MICU3: variants seen among roughly 807,000 people sequenced by gnomAD.
The protein encoded by MICU3 is calcium uptake protein 3, mitochondrial.
A neutral mutation model predicts 66.5 loss-of-function variants in MICU3; 62 were observed. The observed-to-expected ratio is 0.93, with a 90% CI of 0.76 to 1.15. The LOEUF is 1.15. Ranked by LOEUF, MICU3 falls within the 50% of genes most tolerant of loss-of-function variation. The pLI is 0.00. For synonymous variants in MICU3, 308 were observed against 240.7 expected (o/e 1.28, Z -2.59); for missense variants, 779 against 664.4 (o/e 1.17, Z -1.90).
rs1803179365 is a variant in MICU3 at position 17,121,267 on chromosome 8, A to G, written c.*980A>G. On this transcript the variant is annotated 3_prime_UTR_variant, in exon 15 of 15. Coordinates refer to ENST00000318063, the MANE Select transcript of MICU3 (RefSeq NM_181723.3). ...ATGTATATATTAAGTAGAAGCTAAT[A>G]TTTTTGTTTCTTGCAAAAGGACCAC... is the stretch of plus-strand genomic sequence containing the variant. 6.6e-6 allele frequency: 1 copy of G among 151,922 alleles called. No homozygotes were observed. Among genetic ancestry groups the G allele is most frequent in the East Asian group, 1.9e-4 (1 of 5,198 alleles). The allele number at this position is 151,922 out of a possible 1,614,324, so 9.4% of individuals were successfully genotyped here.
Position 17,043,065 on chromosome 8 carries a change from G to A in MICU3, c.381+15405G>A, listed in dbSNP as rs562936737. ...TGCCATTCTCCTGCCTCAGCCTCCCGAGTAGCTGGGACTACAGGCGCCCAC... is the reference window on the plus strand; with the variant it reads ...TGCCATTCTCCTGCCTCAGCCTCCCAAGTAGCTGGGACTACAGGCGCCCAC... On this transcript the variant is annotated intron_variant, in intron 1 of 14. Transcript: ENST00000318063. Among the ~76,000 whole-genome samples, 21 of 144,578 alleles carry A rather than the reference G, an allele frequency of 1.5e-4. 1 individual carries two copies. The South Asian group carries it at 4.1e-3, about 28-fold the overall frequency. 94.8% of individuals were successfully genotyped at this position (144,578 alleles called of 152,430 possible). A position where few individuals can be genotyped will look rare whatever the true frequency, so the allele number is the denominator to read the frequency against.
At chr8:17,080,582 C>G (rs949448822) in intron 4 of MICU3, among the ~76,000 whole-genome samples, 18 of 152,050 alleles carry the variant, frequency 1.2e-4, no homozygotes, top group Admixed American at 1.3e-4. Context: ...CCTACAGACT[C>G]TTAAGTATTG....
At chr8:17,126,387 C>T (rs139534412), downstream of MICU3, among the ~76,000 whole-genome samples, 105 of 152,050 alleles carry the variant, frequency 6.9e-4, 4 homozygotes, top group East Asian at 0.016. Flanking sequence ...GAGAAAGAAA[C>T]CTATACTGAA....
chr8:17,125,150 G>GTAATATAGCCTA (rs1161110929), downstream of MICU3, among the ~76,000 whole-genome samples: 72 of 152,034 alleles, frequency 4.7e-4, 1 homozygote, highest in African/African-American at 1.7e-3. Flanking sequence ...AATATAGCCT[G>GTAATATAGCCTA]TAATCTTTCT....
intron 11 of MICU3, among the ~76,000 whole-genome samples, chr8:17,111,576 C>A (rs1441336605): frequency 6.6e-6 from 1 of 152,136 alleles, no homozygotes; most frequent in African/African-American, 2.4e-5. Context: ...TGTTTGGTGT[C>A]ATATTTAAGC....
intron 8 of MICU3, among the ~76,000 whole-genome samples, chr8:17,091,954 T>A (rs573540109): frequency 6.6e-6 from 1 of 152,188 alleles, no homozygotes; most frequent in African/African-American, 2.4e-5. Context: ...CTCAGCTCAC[T>A]GCAACCTCCA....
At chr8:17,094,281 G>C (rs1800425870) in intron 8 of MICU3, among the ~76,000 whole-genome samples, 1 of 151,918 alleles carries the variant, frequency 6.6e-6, no homozygotes, top group Non-Finnish European at 1.5e-5. Flanking sequence ...ATTGTGGTCT[G>C]TGATCCCATT....
intron 8 of MICU3, among the ~76,000 whole-genome samples, chr8:17,093,864 AT>A (rs1800360247): frequency 6.6e-6 from 1 of 152,016 alleles, no homozygotes; most frequent in Non-Finnish European, 1.5e-5. Flanking sequence ...TTTAAAATAT[AT>A]TTTAGTTCAG....
chr8:17,054,276 C>T (rs1816558471), intron 1 of MICU3, among the ~76,000 whole-genome samples: 2 of 152,082 alleles, frequency 1.3e-5, no homozygotes, highest in Non-Finnish European at 2.9e-5. Flanking sequence ...CAAAATCATA[C>T]ATGCCATGAT....
At chr8:17,048,498 C>T (rs1377077401) in intron 1 of MICU3, among the ~76,000 whole-genome samples, 2 of 152,124 alleles carry the variant, frequency 1.3e-5, no homozygotes, top group Admixed American at 1.3e-4. Context: ...TGGGAAAGAC[C>T]CACCCCCATG....
At chr8:17,063,313 G>A (rs938042091) in intron 1 of MICU3, among the ~76,000 whole-genome samples, 20 of 152,070 alleles carry the variant, frequency 1.3e-4, no homozygotes, top group African/African-American at 4.8e-4. Context: ...AGCATGTATG[G>A]TAAAATCCCA....
chr8:17,118,655 C>T (rs753474502), intron 13 of MICU3, 52 bp from the exon 14 acceptor site: 14 of 1,145,860 alleles, frequency 1.2e-5, no homozygotes, highest in Middle Eastern at 2.0e-4. Context: ...AGTGAAATCA[C>T]GCTGTATTTG....
chr8:17,072,257 A>G (rs1819697605), intron 3 of MICU3, among the ~76,000 whole-genome samples: 1 of 152,194 alleles, frequency 6.6e-6, no homozygotes, highest in Admixed American at 6.5e-5. Context: ...ATCCAGGTAT[A>G]TATAGGTAGA....
At chr8:17,035,912 G>A (rs1483588079) in intron 1 of MICU3, among the ~76,000 whole-genome samples, 1 of 152,162 alleles carries the variant, frequency 6.6e-6, no homozygotes, top group African/African-American at 2.4e-5. Context: ...CAAGGTCAAA[G>A]GTCTTCACAG....
At chr8:17,104,011 A>T (rs943995046) in intron 9 of MICU3, among the ~76,000 whole-genome samples, 1 of 151,918 alleles carries the variant, frequency 6.6e-6, no homozygotes, top group African/African-American at 2.4e-5. Context: ...CAGATTTTTC[A>T]GATTGATTAG....
chr8:17,040,057 G>A (rs62503721), intron 1 of MICU3, among the ~76,000 whole-genome samples: 10,852 of 151,802 alleles, frequency 0.071, 444 homozygotes, highest in South Asian at 0.096. Context: ...ACAAGCATGC[G>A]CCAGCACGCC....
chr8:17,095,033 T>C (rs1585470384), intron 8 of MICU3, among the ~76,000 whole-genome samples: 1 of 152,050 alleles, frequency 6.6e-6, no homozygotes, highest in South Asian at 2.1e-4. Context: ...CTAAGAGTTT[T>C]ATTTGACTAT....
chr8:17,060,384 CCTCCCG>C (rs1817639556), intron 1 of MICU3, among the ~76,000 whole-genome samples: 1 of 151,886 alleles, frequency 6.6e-6, no homozygotes, highest in African/African-American at 2.4e-5. Context: ...GCAGCCTCTG[CCTCCCG>C]GGTTACGAGT....
At chr8:17,083,700 C>T (rs1268964275) in intron 5 of MICU3, among the ~76,000 whole-genome samples, 1 of 151,944 alleles carries the variant, frequency 6.6e-6, no homozygotes, top group Non-Finnish European at 1.5e-5. Context: ...ATAGGGCTAC[C>T]TGAGGTTGAT....
Sources: gnomAD v4.1 joint callset for allele counts (sites outside exome capture counted in the v4.1 genomes callset) on GRCh38, gnomAD v4.1.1 for gene constraint, MANE v1.5 for transcripts, NCBI Gene and HGNC (gene_info 2026-07-23, HGNC 2026-07-21) for gene names.